Variants in IPO11 observed in about 807,000 individuals in gnomAD.
IPO11 encodes the protein importin 11.
IPO11 carries 66 observed loss-of-function variants against 143.2 expected under a neutral mutation model. The ratio of observed to expected loss-of-function variants is 0.46; its 90% CI spans 0.38 to 0.57. IPO11 has a LOEUF of 0.57. Ranked by LOEUF, IPO11 falls within the 20% of genes least tolerant of loss-of-function variation. The pLI is 0.00. For synonymous variants in IPO11, 385 were observed against 377.8 expected (o/e 1.02, Z -0.22); for missense variants, 1,026 against 1,141.0 (o/e 0.90, Z 1.45).
At chr5:62,536,886 T>C in intron 23 of IPO11, 105 bp downstream of exon 23, 1 of 1,167,474 alleles carries the variant, frequency 8.6e-7, no homozygotes, top group Non-Finnish European at 1.1e-6. Flanking sequence ...TGGTCTGTTA[T>C]TTTAAGACAG....
At chr5:62,464,364 C>A (rs1489083678) in intron 5 of IPO11, among the ~76,000 whole-genome samples, 1 of 151,988 alleles carries the variant, frequency 6.6e-6, no homozygotes, top group Non-Finnish European at 1.5e-5. Flanking sequence ...TGGTCTCGAT[C>A]TTTTGACCTT....
intron 19 of IPO11, among the ~76,000 whole-genome samples, chr5:62,509,072 C>A (rs1018090367): frequency 1.3e-5 from 2 of 152,150 alleles, no homozygotes; most frequent in Non-Finnish European, 2.9e-5. Context: ...ATCTTTGTAC[C>A]ATACTGTACA....
At position 62,513,245 on chromosome 5, in the gene IPO11, G is replaced by A. The variant is rs1436080416; in HGVS notation, c.1783-2143G>A. Among the ~76,000 whole-genome samples the A allele has an allele frequency of 1.2e-4, 19 of 152,058 alleles. No homozygotes were observed. In the East Asian group the frequency reaches 2.3e-3, roughly 19 times the overall value. Reference sequence around the variant, plus strand: ...CCCCCATCTCCCTCCCAGACGGGGCGGGTGGCCGGGCGGGGGGCTGACCCC... The same window carrying A: ...CCCCCATCTCCCTCCCAGACGGGGCAGGTGGCCGGGCGGGGGGCTGACCCC... On this transcript the variant is annotated intron_variant, in intron 19 of 29. Coordinates refer to ENST00000325324, the MANE Select transcript of IPO11 (RefSeq NM_016338.5).
At chr5:62,554,192 A>T (rs1743489307) in intron 26 of IPO11, among the ~76,000 whole-genome samples, 1 of 152,232 alleles carries the variant, frequency 6.6e-6, no homozygotes, top group Non-Finnish European at 1.5e-5. Flanking sequence ...TGTTGGATAT[A>T]TAATTTGCAA....
chr5:62,526,981 C>T (rs1742391007), intron 21 of IPO11, among the ~76,000 whole-genome samples: 2 of 152,144 alleles, frequency 1.3e-5, no homozygotes, highest in South Asian at 4.1e-4. Context: ...TCCCTCCCTC[C>T]CTTTGGAACT....
intron 27 of IPO11, among the ~76,000 whole-genome samples, chr5:62,565,650 C>T (rs1209019803): frequency 1.3e-5 from 2 of 152,040 alleles, no homozygotes; most frequent in African/African-American, 4.8e-5. Flanking sequence ...TTGTTGTGGT[C>T]ATTTTTCTTT....
At chr5:62,532,200 C>T (rs568715565) in intron 22 of IPO11, among the ~76,000 whole-genome samples, 3 of 152,236 alleles carry the variant, frequency 2.0e-5, no homozygotes, top group East Asian at 3.9e-4. Flanking sequence ...GTTCAGTTCC[C>T]TAAGAGTGAT....
chr5:62,520,621 G>T (rs937902653), intron 20 of IPO11, among the ~76,000 whole-genome samples: 1 of 152,196 alleles, frequency 6.6e-6, no homozygotes, highest in African/African-American at 2.4e-5. Context: ...AGAACGTGCT[G>T]TGTTTGGTTT....
intron 1 of IPO11, among the ~76,000 whole-genome samples, chr5:62,425,548 C>G (rs1342459815): frequency 6.6e-6 from 1 of 152,046 alleles, no homozygotes; most frequent in South Asian, 2.1e-4. Flanking sequence ...AAACTCCTGA[C>G]CTCAGGTGAT....
At chr5:62,442,906 A>G (rs1450315811) in intron 2 of IPO11, 77 bp from the exon 3 acceptor site, 7 of 823,192 alleles carry the variant, frequency 8.5e-6, no homozygotes, top group South Asian at 5.4e-5. Flanking sequence ...AGATCTGTCC[A>G]TACTTTATTG....
chr5:62,494,241 A>G (rs1741048933), intron 16 of IPO11, 117 bp downstream of exon 16: 2 of 779,646 alleles, frequency 2.6e-6, no homozygotes, highest in Admixed American at 3.4e-5. Context: ...TCACTGCACT[A>G]GTTATTCCTT....
intron 1 of IPO11, among the ~76,000 whole-genome samples, chr5:62,423,282 T>C (rs1178157222): frequency 6.6e-6 from 1 of 152,242 alleles, no homozygotes; most frequent in Non-Finnish European, 1.5e-5. Flanking sequence ...TGAGAAATCA[T>C]AATTTCTGTT....
intron 3 of IPO11, among the ~76,000 whole-genome samples, chr5:62,445,286 G>A (rs1347692111): frequency 6.6e-6 from 1 of 151,994 alleles, no homozygotes; most frequent in Non-Finnish European, 1.5e-5. Flanking sequence ...CATATACATT[G>A]CAGTGTATCT....
chr5:62,447,537 G>A (rs73105924), intron 3 of IPO11, among the ~76,000 whole-genome samples: 3,984 of 151,930 alleles, frequency 0.026, 177 homozygotes, highest in African/African-American at 0.092. Flanking sequence ...CTTATGTGAA[G>A]TAGGGACGTG....
Position 62,553,323 on chromosome 5 carries a change from A to AGTGTGT in IPO11, c.2460+2023_2460+2028dup, listed in dbSNP as rs3077458. 8.5e-3 allele frequency among the ~76,000 whole-genome samples: 1,018 copies of AGTGTGT among 119,224 alleles called. 10 individuals carry two copies. Among genetic ancestry groups the AGTGTGT allele is most frequent in the African/African-American group, 0.027 (879 of 32,030 alleles). The allele number at this position is 119,224 out of a possible 152,430, so 78.2% of individuals were successfully genotyped here. A position where few individuals can be genotyped will look rare whatever the true frequency, so the allele number is the denominator to read the frequency against. On this transcript the variant is annotated intron_variant, in intron 26 of 29. Transcript: ENST00000325324. ...TTTGAGGTCGAATAGTATTCGTGTG[A>AGTGTGT]GTGTGTGTGTGTGTGTGTGTGTGTG...
rs1580204824 is a variant in IPO11, at chr5:62,460,367, G to C, written c.517-6764G>C. Among the ~76,000 whole-genome samples the C allele has an allele frequency of 2.0e-5, 3 of 152,040 alleles. No individual in the cohort carries two copies. The East Asian group carries it at 5.8e-4, about 29-fold the overall frequency. ...AAAAACTAGATTAGTTGTCTTGTAGGATGCTCTGCCTCCTACATTTGTTGA... is the reference window on the plus strand; with the variant it reads ...AAAAACTAGATTAGTTGTCTTGTAGCATGCTCTGCCTCCTACATTTGTTGA... On this transcript the variant is annotated intron_variant, in intron 5 of 29. Transcript: ENST00000325324.
intron 2 of IPO11, among the ~76,000 whole-genome samples, chr5:62,442,417 A>G (rs1025945520): frequency 3.9e-5 from 6 of 152,242 alleles, no homozygotes; most frequent in Admixed American, 1.3e-4. Context: ...GCAGAATAGT[A>G]CAATGACTCT....
At chr5:62,487,912 TA>T in intron 13 of IPO11, 51 bp downstream of exon 13, 1 of 1,491,418 alleles carries the variant, frequency 6.7e-7, no homozygotes, top group South Asian at 1.2e-5. Flanking sequence ...AACGTTTAGT[TA>T]AGAAATAGTC....
At chr5:62,615,164 G>A (rs769061623) in intron 29 of IPO11, among the ~76,000 whole-genome samples, 4 of 152,186 alleles carry the variant, frequency 2.6e-5, no homozygotes, top group Non-Finnish European at 1.5e-5. Flanking sequence ...AGGAGTGCCT[G>A]TTCCCATTTA....
Sources: gnomAD v4.1 joint callset for allele counts (sites outside exome capture counted in the v4.1 genomes callset) on GRCh38, gnomAD v4.1.1 for gene constraint, MANE v1.5 for transcripts, NCBI Gene and HGNC (gene_info 2026-07-23, HGNC 2026-07-21) for gene names.